Variants in SIAH3 observed in about 807,000 individuals in gnomAD.
SIAH3 encodes seven in absentia homolog 3.
In SIAH3, 9 loss-of-function variants were observed where a neutral mutation model predicts 12.6. That is an observed-to-expected ratio of 0.72 (90% CI 0.43 to 1.25). SIAH3 has a LOEUF of 1.25. Ranked by LOEUF, SIAH3 falls within the 50% of genes most tolerant of loss-of-function variation. The pLI, the probability that SIAH3 is intolerant of heterozygous loss-of-function variation, is 0.00. For missense variants in SIAH3, 390 were observed against 365.4 expected (o/e 1.07, Z -0.55); for synonymous variants, 154 against 151.1 (o/e 1.02, Z -0.14).
At chr13:45,785,732 G>A (rs985079521) in intron 1 of SIAH3, among the ~76,000 whole-genome samples, 7 of 152,222 alleles carry the variant, frequency 4.6e-5, no homozygotes, top group Admixed American at 1.3e-4. Context: ...CCCCAGAAGT[G>A]TGATCTACAG....
chr13:45,811,172 T>C (rs752321282), intron 1 of SIAH3, among the ~76,000 whole-genome samples: 1 of 152,214 alleles, frequency 6.6e-6, no homozygotes, highest in Non-Finnish European at 1.5e-5. Context: ...CATTTAAAAC[T>C]TTGGCATATT....
chr13:45,812,192 T>C (rs980696473), intron 1 of SIAH3, among the ~76,000 whole-genome samples: 3 of 152,232 alleles, frequency 2.0e-5, no homozygotes, highest in Admixed American at 2.0e-4. Context: ...GGGCTGATGA[T>C]GTAGGTCCAA....
At chr13:45,812,063 C>T (rs1174036412) in intron 1 of SIAH3, among the ~76,000 whole-genome samples, 3 of 152,190 alleles carry the variant, frequency 2.0e-5, no homozygotes, top group East Asian at 1.9e-4. Context: ...AAAAGGATGC[C>T]GCCCAGCACC....
At chr13:45,789,690 A>C (rs146395761) in intron 1 of SIAH3, among the ~76,000 whole-genome samples, 482 of 152,296 alleles carry the variant, frequency 3.2e-3, no homozygotes, top group Admixed American at 5.3e-3. Flanking sequence ...TACAGGCATA[A>C]GCCACCACAC....
At chr13:45,841,131 C>T (rs780061840) in intron 1 of SIAH3, among the ~76,000 whole-genome samples, 2 of 152,170 alleles carry the variant, frequency 1.3e-5, no homozygotes, top group Non-Finnish European at 2.9e-5. Context: ...CATTATACAT[C>T]CCTAAAGTAC....
chr13:45,796,849 C>T (rs1950564502), intron 1 of SIAH3, among the ~76,000 whole-genome samples: 2 of 152,190 alleles, frequency 1.3e-5, no homozygotes, highest in Non-Finnish European at 2.9e-5. Flanking sequence ...CCAAGTAAAT[C>T]CCCTTAAGCG....
rs1950512170 is a variant in SIAH3 at position 45,783,313 on chromosome 13, A to G, written c.*70T>C. 3 of 1,195,228 alleles carry G rather than the reference A, an allele frequency of 2.5e-6. No homozygotes were observed. Among genetic ancestry groups the G allele is most frequent in the Non-Finnish European group, 3.5e-6 (3 of 854,310 alleles). 74.0% of individuals were successfully genotyped at this position (1,195,228 alleles called of 1,614,324 possible). A position where few individuals can be genotyped will look rare whatever the true frequency, so the allele number is the denominator to read the frequency against. On this transcript the variant is annotated 3_prime_UTR_variant, in exon 2 of 2. Coordinates refer to ENST00000400405, the MANE Select transcript of SIAH3 (RefSeq NM_198849.3). ...AGGAGAAGAATAAAAAGGAGTCTGG[A>G]GTCCTGGTATTGGGAGGTCCCAGGC... is the stretch of plus-strand genomic sequence containing the variant.
intron 1 of SIAH3, among the ~76,000 whole-genome samples, chr13:45,799,694 G>A (rs1028068125): frequency 6.6e-6 from 1 of 152,142 alleles, no homozygotes; most frequent in Non-Finnish European, 1.5e-5. Flanking sequence ...CTGTGCCCCA[G>A]GCTTCCCGCT....
chr13:45,847,882 C>T lies in SIAH3; in HGVS notation c.135+3613G>A, dbSNP rs368926203. ...TGCTGATGACTGACCCCAGACCGAC[C>T]CCTAGCACTACAGAGCCTTCTCTGG... is the stretch of plus-strand genomic sequence containing the variant. On this transcript the variant is annotated intron_variant, in intron 1 of 1. Coordinates refer to ENST00000400405, the MANE Select transcript of SIAH3 (RefSeq NM_198849.3). 3.3e-3 allele frequency among the ~76,000 whole-genome samples: 508 copies of T among 152,226 alleles called. 4 individuals are homozygous for T. Among genetic ancestry groups the T allele is most frequent in the African/African-American group, 0.011 (476 of 41,538 alleles).
intron 1 of SIAH3, among the ~76,000 whole-genome samples, chr13:45,818,462 C>G (rs1212657336): frequency 1.3e-5 from 2 of 152,166 alleles, no homozygotes; most frequent in African/African-American, 4.8e-5. Context: ...GAAATTTATG[C>G]TCTCAGAGTT....
intron 1 of SIAH3, among the ~76,000 whole-genome samples, chr13:45,800,394 A>G (rs1376965054): frequency 6.6e-6 from 1 of 152,232 alleles, no homozygotes; most frequent in Non-Finnish European, 1.5e-5. Flanking sequence ...TCATGCATCC[A>G]ATTATTTATT....
chr13:45,814,238 C>CA (rs56377017), intron 1 of SIAH3, among the ~76,000 whole-genome samples: 27,478 of 72,546 alleles, frequency 0.38, 5,473 homozygotes, highest in Non-Finnish European at 0.43. Flanking sequence ...GACTCTGTCT[C>CA]AAAAAAAAAA....
At chr13:45,837,124 A>G (rs1294971138) in intron 1 of SIAH3, among the ~76,000 whole-genome samples, 1 of 152,176 alleles carries the variant, frequency 6.6e-6, no homozygotes, top group Non-Finnish European at 1.5e-5. Context: ...TGGAGAAAAC[A>G]TCTTCCCAGC....
chr13:45,828,935 A>T (rs1950688719), intron 1 of SIAH3, among the ~76,000 whole-genome samples: 1 of 140,610 alleles, frequency 7.1e-6, no homozygotes. Context: ...AACAGAATTA[A>T]CTCTATTTTT....
chr13:45,790,924 G>T (rs1287194629), intron 1 of SIAH3, among the ~76,000 whole-genome samples: 1 of 152,206 alleles, frequency 6.6e-6, no homozygotes, highest in Non-Finnish European at 1.5e-5. Context: ...GCTCATGTCT[G>T]TACTCCTAGC....
At chr13:45,822,583 A>G (rs902229180) in intron 1 of SIAH3, among the ~76,000 whole-genome samples, 2 of 142,316 alleles carry the variant, frequency 1.4e-5, no homozygotes, top group African/African-American at 2.6e-5. Context: ...CAAAAATGGT[A>G]TTAATAATGA....
rs2137589862 is a variant in SIAH3, at chr13:45,851,408, TG to T, written c.135+86del. On this transcript the variant is annotated intron_variant, in intron 1 of 1. Transcript: ENST00000400405. ...CCCGAGACCCGGGTTTGCAAAGGGC[TG>T]CACACGTTCGCCGGAGGGTCGCTGC... 3 of 1,573,804 alleles carry T rather than the reference TG, an allele frequency of 1.9e-6. No individual in the cohort carries two copies. The South Asian group carries it at 3.4e-5, about 18-fold the overall frequency.
intron 1 of SIAH3, among the ~76,000 whole-genome samples, chr13:45,824,585 C>G (rs1950667150): frequency 6.6e-6 from 1 of 152,102 alleles, no homozygotes; most frequent in Admixed American, 6.5e-5. Flanking sequence ...GTTTCAAGCT[C>G]CCTAGATGAT....
At chr13:45,802,016 A>C (rs1950584004) in intron 1 of SIAH3, among the ~76,000 whole-genome samples, 1 of 152,174 alleles carries the variant, frequency 6.6e-6, no homozygotes, top group Admixed American at 6.5e-5. Flanking sequence ...AGAGTAAGAA[A>C]GTTTGGGGCC....
Sources: allele counts gnomAD v4.1 joint callset (sites outside exome capture counted in the v4.1 genomes callset), GRCh38; gene constraint gnomAD v4.1.1; transcripts MANE v1.5; gene names NCBI Gene and HGNC (gene_info 2026-07-23, HGNC 2026-07-21).